The following TAB3 variants were observed in gnomAD, a reference collection of about 807,000 sequenced individuals.
TAB3 encodes TGF-beta-activated kinase 1 and MAP3K7-binding protein 3.
A neutral mutation model predicts 48.1 loss-of-function variants in TAB3; 18 were observed. The observed-to-expected ratio is 0.37, with a 90% CI of 0.26 to 0.55. The LOEUF is 0.55. TAB3 is among the 20% of genes least tolerant of loss of function. TAB3 has a pLI of 0.78. For synonymous variants in TAB3, 185 were observed against 190.2 expected, an observed-to-expected ratio of 0.97 and a Z score of 0.22; for missense variants, 414 against 549.8, an observed-to-expected ratio of 0.75 and a Z score of 2.47.
chrX:30,836,136 A>AATT (rs1226569219), intron 9 of TAB3: 1 of 112,237 alleles, frequency 8.9e-6, no homozygotes, highest in Non-Finnish European at 1.9e-5. Flanking sequence ...CTTACCAAAA[A>AATT]ATTATAGAAT....
At chrX:30,833,917 T>C in intron 10 of TAB3, 134 bp downstream of exon 10, 1 of 474,134 alleles carries the variant, frequency 2.1e-6, no homozygotes, top group Non-Finnish European at 3.5e-6. Context: ...ATATTTCTAC[T>C]GGACAGCACA....
chrX:30,833,249 G>A (rs751879061), intron 10 of TAB3, among the ~76,000 whole-genome samples: 6 of 109,969 alleles, frequency 5.5e-5, no homozygotes, highest in Non-Finnish European at 9.5e-5. Context: ...GATTACAGGT[G>A]TGAGCCACCG....
At chrX:30,867,369 G>A (rs959315588) in intron 3 of TAB3, 96 bp downstream of exon 3, 1 of 111,137 alleles carries the variant, frequency 9.0e-6, no homozygotes. Context: ...CTGAGTGCAG[G>A]GTATATGGGG....
At chrX:30,881,416 A>T (rs969137132) in intron 1 of TAB3, among the ~76,000 whole-genome samples, 1 of 111,163 alleles carries the variant, frequency 9.0e-6, no homozygotes, top group South Asian at 3.7e-4. Context: ...AATATGAGAA[A>T]AAAGTTTGAA....
intron 1 of TAB3, among the ~76,000 whole-genome samples, chrX:30,884,599 CAAAAAA>C (rs376927653): frequency 2.8e-5 from 2 of 71,388 alleles, no homozygotes; most frequent in East Asian, 8.3e-4. Context: ...GTTTGGAAAC[CAAAAAA>C]AAAAAAAAAC....
chrX:30,834,075 C>T lies in TAB3; in HGVS notation c.1966G>A (p.Asp656Asn), dbSNP rs1327320354. 1 of 1,209,621 alleles carries T rather than the reference C, an allele frequency of 8.3e-7. No individual in the cohort carries two copies. Among genetic ancestry groups the T allele is most frequent in the Non-Finnish European group, 1.1e-6 (1 of 895,092 alleles). ...VTSKVQADIH[D>N]TQAAAADEHR... The stretch of plus-strand genomic sequence containing the variant: ...CCATCTGCAGCTGCTGCCTGGGTGT[C>T]ATGGATGTCTGCCTGTACTTTGGAG... The change falls in exon 10 of 11, where the codon GAC becomes AAC. Residue 656 changes from aspartate (D) to asparagine (N), a missense_variant. Transcript: ENST00000288422.
intron 10 of TAB3, 66 bp from the exon 11 acceptor site, chrX:30,831,641 C>A: frequency 1.8e-6 from 2 of 1,090,022 alleles, no homozygotes; most frequent in Non-Finnish European, 1.2e-6. Context: ...CAAGTATAAT[C>A]CAAACTGAAA....
intron 9 of TAB3, 54 bp downstream of exon 9, chrX:30,842,912 C>A: frequency 1.3e-6 from 1 of 795,612 alleles, no homozygotes; most frequent in Admixed American, 3.3e-5. Context: ...ATGTGAAATC[C>A]CAAATTATTT....
At chrX:30,859,217 G>T (rs909440223) in intron 5 of TAB3, among the ~76,000 whole-genome samples, 1 of 110,964 alleles carries the variant, frequency 9.0e-6, no homozygotes, top group Non-Finnish European at 1.9e-5. Flanking sequence ...TCACAACTGC[G>T]GGGATGCTAT....
At chrX:30,881,820 T>C (rs751839966) in intron 1 of TAB3, among the ~76,000 whole-genome samples, 15 of 112,062 alleles carry the variant, frequency 1.3e-4, no homozygotes, top group Non-Finnish European at 2.3e-4. Context: ...ACAATTCAAG[T>C]TATTTAATTA....
chrX:30,866,466 T>C (rs1353135820), intron 4 of TAB3, among the ~76,000 whole-genome samples: 2 of 109,661 alleles, frequency 1.8e-5, no homozygotes, highest in African/African-American at 6.7e-5. Context: ...GCAGGGAATA[T>C]ATAGGATGAG....
chrX:30,833,830 CAAAA>C (rs11316848), intron 10 of TAB3, among the ~76,000 whole-genome samples: 2 of 51,615 alleles, frequency 3.9e-5, no homozygotes. Context: ...GACTCCGTCT[CAAAA>C]AAAAAAAAAA....
At chrX:30,884,152 A>G (rs886681790) in intron 1 of TAB3, among the ~76,000 whole-genome samples, 1 of 111,788 alleles carries the variant, frequency 8.9e-6, no homozygotes, top group African/African-American at 3.3e-5. Flanking sequence ...TAAACTCTGC[A>G]TTAAAAAATT....
In TAB3 at chrX:30,854,607, T is replaced by C; in HGVS notation, c.1058A>G (p.Tyr353Cys). The change falls in exon 6 of 11, where the codon TAC (tyrosine) becomes TGC (cysteine). Residue 353 changes from tyrosine (Y) to cysteine (C), a missense_variant. Tyr to Cys is a radical substitution (Grantham distance 194). Transcript: ENST00000288422. ...ACCTTTGGATAAACTAGATGCTGTG[T>C]ATGGAAGATAGGCTACTGAATGGCT... ...QGSHSVAYLP[Y>C]TASSLSKGSM... 1 of 1,211,624 alleles carries C rather than the reference T, an allele frequency of 8.3e-7. No individual in the cohort carries two copies. The highest frequency in any genetic ancestry group is 2.2e-5 in the Admixed American group (1 of 46,022).
At chrX:30,883,383 T>C (rs1334899370) in intron 1 of TAB3, among the ~76,000 whole-genome samples, 1 of 112,307 alleles carries the variant, frequency 8.9e-6, no homozygotes, top group African/African-American at 3.2e-5. Context: ...ATTAACACAT[T>C]AATCCTCTCA....
In TAB3 at chrX:30,842,997, G is replaced by A. The variant is rs896034751; in HGVS notation, c.1857C>T (p.Gly619=). Residue 619 remains glycine (G), a synonymous_variant, in exon 9 of 11, where the codon GGC becomes GGT. Transcript: ENST00000288422. ...MNNFYDNIEP[G]PVVPPKPSKK... ...TAGATGGCTTGGGTGGTACAACTGG[G>A]CCAGGTTCTATGTTGTCATAAAAAT... 1 of 1,187,652 alleles carries A rather than the reference G, an allele frequency of 8.4e-7. No homozygotes were observed. Among genetic ancestry groups the A allele is most frequent in the Non-Finnish European group, 1.1e-6 (1 of 882,276 alleles).
At chrX:30,852,122 G>T (rs867451968) in intron 7 of TAB3, among the ~76,000 whole-genome samples, 1 of 112,467 alleles carries the variant, frequency 8.9e-6, no homozygotes, top group Non-Finnish European at 1.9e-5. Flanking sequence ...CGCTTGTGAA[G>T]TCACAAGATT....
intron 4 of TAB3, among the ~76,000 whole-genome samples, chrX:30,864,987 C>G (rs974301841): frequency 8.9e-6 from 1 of 111,732 alleles, no homozygotes; most frequent in East Asian, 2.8e-4. Flanking sequence ...TAGCTGATTC[C>G]AAACACTGCA....
chrX:30,834,210 G>A, intron 9 of TAB3, 58 bp from the exon 10 acceptor site: 4 of 1,046,248 alleles, frequency 3.8e-6, no homozygotes, highest in Non-Finnish European at 4.0e-6. Flanking sequence ...CTGCAAGAGT[G>A]AACAGGCTCA....
Sources: gnomAD v4.1 joint callset for allele counts (sites outside exome capture counted in the v4.1 genomes callset) on GRCh38, gnomAD v4.1.1 for gene constraint, MANE v1.5 for transcripts, NCBI Gene and HGNC (gene_info 2026-07-23, HGNC 2026-07-21) for gene names.